Variants in OR9Q1 observed in about 807,000 individuals in gnomAD.
The protein encoded by OR9Q1 is olfactory receptor family 9 subfamily Q member 1.
For synonymous variants in OR9Q1, 153 were observed against 148.6 expected, an observed-to-expected ratio of 1.03 and a Z score of -0.22; for missense variants, 374 against 378.8, an observed-to-expected ratio of 0.99 and a Z score of 0.11.
intron 2 of OR9Q1, chr11:58,118,375 C>T (rs1434308775): frequency 6.1e-6 from 4 of 656,284 alleles, no homozygotes; most frequent in South Asian, 2.2e-5. Context: ...TTCCTGTGTG[C>T]CTGGTGGTAC....
chr11:58,158,571 G>A (rs1854429738), intron 2 of OR9Q1, among the ~76,000 whole-genome samples: 1 of 151,920 alleles, frequency 6.6e-6, no homozygotes, highest in African/African-American at 2.4e-5. Context: ...CTTACCATAA[G>A]TCTCTTGAAT....
rs1008224457 is a variant in OR9Q1 at position 58,109,380 on chromosome 11, A to G, written c.-15+53433A>G. 2.0e-5 allele frequency: 9 copies of G among 458,964 alleles called. No individual in the cohort carries two copies. In the East Asian group the frequency reaches 5.5e-4, roughly 28 times the overall value. The allele number at this position is 458,964 out of a possible 1,614,324, so 28.4% of individuals were successfully genotyped here. A position where few individuals can be genotyped will look rare whatever the true frequency, so the allele number is the denominator to read the frequency against. ...AAGAGAACTGCACAGCACGGCAGCC[A>G]TAGGAGATAACTGTCTTGTCTGTGG... On this transcript the variant is annotated intron_variant, in intron 2 of 2. Transcript: ENST00000335397.
chr11:58,046,492 G>A (rs1853217834), intron 1 of OR9Q1, among the ~76,000 whole-genome samples: 1 of 152,210 alleles, frequency 6.6e-6, no homozygotes, highest in South Asian at 2.1e-4. Flanking sequence ...AGTGAAGGGA[G>A]TGTTTAACCC....
chr11:58,066,612 T>C (rs967218594), intron 2 of OR9Q1, among the ~76,000 whole-genome samples: 5 of 152,138 alleles, frequency 3.3e-5, no homozygotes, highest in Admixed American at 3.3e-4. Flanking sequence ...TCCTTGCCTC[T>C]AGCACCCTGT....
chr11:58,032,884 A>G (rs1246736814), intron 1 of OR9Q1, among the ~76,000 whole-genome samples: 3 of 152,242 alleles, frequency 2.0e-5, no homozygotes, highest in Non-Finnish European at 4.4e-5. Flanking sequence ...AATATCCAGA[A>G]TCTATAAGGG....
chr11:58,136,907 C>A (rs1447165), intron 2 of OR9Q1, among the ~76,000 whole-genome samples: 1 of 151,932 alleles, frequency 6.6e-6, no homozygotes, highest in South Asian at 2.1e-4. Context: ...GTAGCACAGA[C>A]CTGGAGACCT....
intron 2 of OR9Q1, among the ~76,000 whole-genome samples, chr11:58,081,787 T>A (rs1853589413): frequency 7.6e-6 from 1 of 131,934 alleles, no homozygotes; most frequent in Non-Finnish European, 1.7e-5. Context: ...ACTCTGATGA[T>A]AGTTTCTTTT....
At chr11:58,072,063 A>G (rs1270992376) in intron 2 of OR9Q1, among the ~76,000 whole-genome samples, 9 of 152,310 alleles carry the variant, frequency 5.9e-5, no homozygotes, top group Admixed American at 1.3e-4. Context: ...CACTTAAAAT[A>G]AAAGTTAAAA....
chr11:58,065,253 A>T (rs891752727), intron 2 of OR9Q1, among the ~76,000 whole-genome samples: 2 of 152,236 alleles, frequency 1.3e-5, no homozygotes, highest in African/African-American at 2.4e-5. Context: ...TGACACAGAC[A>T]CATAGAGAGA....
chr11:58,092,799 C>A (rs1186090137), intron 2 of OR9Q1, among the ~76,000 whole-genome samples: 2 of 152,118 alleles, frequency 1.3e-5, no homozygotes, highest in Non-Finnish European at 2.9e-5. Flanking sequence ...CTAAAGATTT[C>A]TAACTGATTT....
intron 2 of OR9Q1, among the ~76,000 whole-genome samples, chr11:58,120,297 G>A (rs1041079414): frequency 6.6e-6 from 1 of 152,030 alleles, no homozygotes; most frequent in Admixed American, 6.6e-5. Flanking sequence ...AATCAAAGTT[G>A]GGTAGAGTTT....
chr11:58,083,809 C>T (rs1276860287), intron 2 of OR9Q1, among the ~76,000 whole-genome samples: 2 of 151,804 alleles, frequency 1.3e-5, no homozygotes, highest in Middle Eastern at 3.2e-3. Context: ...TTCTGTTCCA[C>T]TGGTCTATGT....
rs1217540929 is a variant in OR9Q1 at position 58,179,444 on chromosome 11, C to T, written c.-1C>T. On this transcript the variant is annotated 5_prime_UTR_variant, in exon 3 of 3. Coordinates refer to ENST00000335397, the MANE Select transcript of OR9Q1 (RefSeq NM_001005212.4). Reference sequence around the variant, plus strand: ...TACATGTCTCAGGGACCACTGGTGTCATGGCAGAGATGAACCTCACCTTGG... The same window carrying T: ...TACATGTCTCAGGGACCACTGGTGTTATGGCAGAGATGAACCTCACCTTGG... The T allele has an allele frequency of 5.2e-6, 8 of 1,553,258 alleles. No homozygotes were observed. Among genetic ancestry groups the T allele is most frequent in the Non-Finnish European group, 6.1e-6 (7 of 1,148,428 alleles).
intron 2 of OR9Q1, among the ~76,000 whole-genome samples, chr11:58,164,287 TAAGAA>T (rs945706256): frequency 6.6e-6 from 1 of 151,976 alleles, no homozygotes; most frequent in African/African-American, 2.4e-5. Flanking sequence ...GAGGAGTTAA[TAAGAA>T]AAACGGATGA....
At chr11:58,121,773 G>A (rs1590602698) in intron 2 of OR9Q1, among the ~76,000 whole-genome samples, 1 of 152,164 alleles carries the variant, frequency 6.6e-6, no homozygotes, top group East Asian at 1.9e-4. Flanking sequence ...CATGGGGATT[G>A]CTATTTTTGA....
intron 2 of OR9Q1, among the ~76,000 whole-genome samples, chr11:58,129,739 C>A (rs1280236119): frequency 6.6e-6 from 1 of 152,170 alleles, no homozygotes; most frequent in Non-Finnish European, 1.5e-5. Flanking sequence ...AGTTCCCTTT[C>A]TCTGTCGCTA....
intron 2 of OR9Q1, among the ~76,000 whole-genome samples, chr11:58,121,159 T>C (rs1590602411): frequency 7.0e-6 from 1 of 142,000 alleles, no homozygotes; most frequent in East Asian, 3.0e-4. Context: ...GTCAAATAAA[T>C]GCTCCTTTCT....
chr11:58,128,270 AG>A lies in OR9Q1; in HGVS notation c.-14-51160del, dbSNP rs752678370. Among the ~76,000 whole-genome samples the A allele has an allele frequency of 3.7e-4, 56 of 151,030 alleles. 1 individual carries two copies. In the East Asian group the frequency reaches 9.7e-3, roughly 26 times the overall value. On this transcript the variant is annotated intron_variant, in intron 2 of 2. Transcript: ENST00000335397. ...AAGAAAAACTAAAAAAAAAAAAAAA[AG>A]AACAGTAGGAAGAGAGCAATTAACC... is the stretch of plus-strand genomic sequence containing the variant.
intron 2 of OR9Q1, among the ~76,000 whole-genome samples, chr11:58,179,044 C>T (rs917285094): frequency 9.9e-6 from 1 of 101,262 alleles, no homozygotes; most frequent in Admixed American, 9.7e-5. Context: ...GAGACAGGCT[C>T]TCACTCTGTT....
Sources: allele counts gnomAD v4.1 joint callset (sites outside exome capture counted in the v4.1 genomes callset), GRCh38; gene constraint gnomAD v4.1.1; transcripts MANE v1.5; gene names NCBI Gene and HGNC (gene_info 2026-07-23, HGNC 2026-07-21).